Variants in SYNJ2 observed in about 807,000 individuals in gnomAD.
SYNJ2 encodes synaptojanin 2, also known as polyphosphatidylinositol phosphatase SYNJ2.
A neutral mutation model predicts 141.3 loss-of-function variants in SYNJ2; 116 were observed. The ratio of observed to expected loss-of-function variants is 0.82; its 90% CI spans 0.71 to 0.96. SYNJ2 has a LOEUF of 0.96. SYNJ2 is among the 40% of genes least tolerant of loss of function. SYNJ2 has a pLI of 0.00. For synonymous variants in SYNJ2, 745 were observed against 777.7 expected, an observed-to-expected ratio of 0.96 and a Z score of 0.70; for missense variants, 1,873 against 1,934.8, an observed-to-expected ratio of 0.97 and a Z score of 0.60.
Position 158,090,286 on chromosome 6 carries a change from G to A in SYNJ2, c.3565+339G>A, listed in dbSNP as rs1033288838. ...GCTTTATAAAACAGAGACAGTTATA[G>A]TGTTTGTCCTAATTTCAGGCACAAA... On this transcript the variant is annotated intron_variant, in intron 25 of 26. Transcript: ENST00000355585. Among the ~76,000 whole-genome samples the A allele has an allele frequency of 2.0e-5, 3 of 152,190 alleles. No individual in the cohort carries two copies. The East Asian group carries it at 5.8e-4, about 29-fold the overall frequency.
At chr6:158,006,184 C>T (rs143409515) in intron 1 of SYNJ2, among the ~76,000 whole-genome samples, 14 of 152,190 alleles carry the variant, frequency 9.2e-5, no homozygotes, top group Admixed American at 6.5e-5. Context: ...GCTTGCCACA[C>T]GCACACATGC....
intron 5 of SYNJ2, among the ~76,000 whole-genome samples, chr6:158,049,134 C>T (rs745983684): frequency 1.8e-4 from 28 of 152,222 alleles, no homozygotes; most frequent in Middle Eastern, 6.8e-3. Flanking sequence ...CTCCAGACCC[C>T]GACTATCCTC....
intron 4 of SYNJ2, among the ~76,000 whole-genome samples, chr6:158,042,620 G>C (rs1362365118): frequency 7.2e-5 from 11 of 152,268 alleles, no homozygotes; most frequent in Admixed American, 7.2e-4. Context: ...AGGCCTGCAG[G>C]CACACTCTGA....
intron 4 of SYNJ2, among the ~76,000 whole-genome samples, chr6:158,038,663 A>G (rs1356460270): frequency 6.6e-6 from 1 of 152,210 alleles, no homozygotes; most frequent in African/African-American, 2.4e-5. Flanking sequence ...TGAGCCTGCC[A>G]GGTCCCAGGC....
intron 4 of SYNJ2, among the ~76,000 whole-genome samples, chr6:158,039,239 A>G (rs755465605): frequency 5.3e-5 from 8 of 152,246 alleles, no homozygotes; most frequent in Non-Finnish European, 1.2e-4. Flanking sequence ...AAAACACAAA[A>G]CACGTCTTTA....
intron 18 of SYNJ2, among the ~76,000 whole-genome samples, 161 bp from the exon 19 acceptor site, chr6:158,080,948 G>C (rs1782637639): frequency 6.6e-6 from 1 of 152,246 alleles, no homozygotes; most frequent in African/African-American, 2.4e-5. Flanking sequence ...ACATTCGCAG[G>C]TTGTTGGTGT....
chr6:158,006,585 C>T (rs1015679087), intron 1 of SYNJ2, among the ~76,000 whole-genome samples: 1 of 152,156 alleles, frequency 6.6e-6, no homozygotes, highest in Non-Finnish European at 1.5e-5. Flanking sequence ...AAGTCGGTGC[C>T]CTCCACTCAC....
chr6:158,091,175 G>T (rs1206460059), intron 25 of SYNJ2, among the ~76,000 whole-genome samples: 1 of 151,610 alleles, frequency 6.6e-6, no homozygotes, highest in Non-Finnish European at 1.5e-5. Context: ...AAATTAGCCG[G>T]GCGTGATGGT....
rs1777039499 is a variant in SYNJ2, at chr6:157,982,187, C to A, written c.127+99C>A. 2 of 1,236,516 alleles carry A rather than the reference C, an allele frequency of 1.6e-6. No individual in the cohort carries two copies. The highest frequency in any genetic ancestry group is 1.0e-6 in the Non-Finnish European group (1 of 986,558). 76.6% of individuals were successfully genotyped at this position (1,236,516 alleles called of 1,614,324 possible). On this transcript the variant is annotated intron_variant, in intron 1 of 26. Transcript: ENST00000355585. This position sits in a 1 kb window ranked among gnomAD's most constrained non-coding sequence, Gnocchi z 4.0. Reference sequence around the variant, plus strand: ...ACCCCCCCTTCCCGAGGGGATCGGGCGGCGCTGGGACTGCCGGGGCGTAGG... The same window carrying A: ...ACCCCCCCTTCCCGAGGGGATCGGGAGGCGCTGGGACTGCCGGGGCGTAGG...
intron 1 of SYNJ2, 86 bp from the exon 2 acceptor site, chr6:158,017,118 A>G (rs983971302): frequency 1.3e-6 from 2 of 1,527,452 alleles, no homozygotes; most frequent in Non-Finnish European, 1.8e-6. Context: ...AGTGGGTGGG[A>G]AGCCAGCTTG....
chr6:157,983,376 G>A (rs763683274), intron 1 of SYNJ2, among the ~76,000 whole-genome samples: 1 of 152,206 alleles, frequency 6.6e-6, no homozygotes, highest in Non-Finnish European at 1.5e-5. Flanking sequence ...AAGAGTCTAA[G>A]TTTGGTTATT....
intron 1 of SYNJ2, among the ~76,000 whole-genome samples, chr6:158,009,380 C>T (rs1778184054): frequency 6.7e-6 from 1 of 149,462 alleles, no homozygotes; most frequent in South Asian, 2.2e-4. Context: ...TCCTCCTGTT[C>T]CTCTTGGCCA....
At position 158,043,067 on chromosome 6, in the gene SYNJ2, G is replaced by C. The variant is rs559480919; in HGVS notation, c.712-249G>C. 1.3e-5 allele frequency among the ~76,000 whole-genome samples: 2 copies of C among 152,160 alleles called. No homozygotes were observed. Among genetic ancestry groups the C allele is most frequent in the African/African-American group, 4.8e-5 (2 of 41,442 alleles). ...TGCCCTAGAAGTGTGAATTCCCGGA[G>C]ACCCTGGGAGGCCCCAACCCCCAGC... On this transcript the variant is annotated intron_variant, in intron 4 of 26. Coordinates refer to ENST00000355585, the MANE Select transcript of SYNJ2 (RefSeq NM_003898.4). The surrounding 1 kb of genome is among the most constrained non-coding windows in gnomAD (Gnocchi z 4.0).
chr6:157,987,862 C>A (rs1332410078), intron 1 of SYNJ2, among the ~76,000 whole-genome samples: 1 of 152,242 alleles, frequency 6.6e-6, no homozygotes, highest in East Asian at 1.9e-4. Flanking sequence ...GATTCTGAGA[C>A]ATTGGCCAAG....
At chr6:158,033,216 TC>T (rs1779461333) in intron 3 of SYNJ2, among the ~76,000 whole-genome samples, 1 of 152,204 alleles carries the variant, frequency 6.6e-6, no homozygotes, top group Non-Finnish European at 1.5e-5. Flanking sequence ...GGGAAAGGAC[TC>T]CCTGGCCATC....
At chr6:157,983,534 C>T (rs779505798) in intron 1 of SYNJ2, among the ~76,000 whole-genome samples, 6 of 152,204 alleles carry the variant, frequency 3.9e-5, no homozygotes, top group Non-Finnish European at 8.8e-5. Flanking sequence ...AGTTGGATTA[C>T]GGCAACATTA....
In SYNJ2 at chr6:158,043,716, G is replaced by C. The variant is rs1373050112; in HGVS notation, c.795+317G>C. On this transcript the variant is annotated intron_variant, in intron 5 of 26. Transcript: ENST00000355585. The surrounding 1 kb of genome is among the most constrained non-coding windows in gnomAD (Gnocchi z 4.0). ...CCGCGAAGTGAGCTTGGGTAGCACT[G>C]CCTGAGGTTAGACCCTGAGTTCGGT... Among the ~76,000 whole-genome samples the C allele has an allele frequency of 6.6e-6, 1 of 152,164 alleles. No individual in the cohort carries two copies. The highest frequency in any genetic ancestry group is 1.5e-5 in the Non-Finnish European group (1 of 68,022).
In SYNJ2 at chr6:158,059,110, C is replaced by A. The variant is rs188801038; in HGVS notation, c.858-147C>A. Reference sequence around the variant, plus strand: ...TCTCTCCACCCAGGCTCATTTTCCACGATTTGGGTCATGGGGGACAGCTGG... The same window carrying A: ...TCTCTCCACCCAGGCTCATTTTCCAAGATTTGGGTCATGGGGGACAGCTGG... On this transcript the variant is annotated intron_variant, in intron 6 of 26. Coordinates refer to ENST00000355585, the MANE Select transcript of SYNJ2 (RefSeq NM_003898.4). The A allele has an allele frequency of 3.8e-6, 3 of 796,222 alleles. No homozygotes were observed. The South Asian group carries it at 7.8e-5, about 21-fold the overall frequency. 49.3% of individuals were successfully genotyped at this position (796,222 alleles called of 1,614,324 possible). A position where few individuals can be genotyped will look rare whatever the true frequency, so the allele number is the denominator to read the frequency against.
chr6:157,989,288 C>G (rs1777320856), intron 1 of SYNJ2, among the ~76,000 whole-genome samples: 1 of 151,868 alleles, frequency 6.6e-6, no homozygotes, highest in South Asian at 2.1e-4. Flanking sequence ...TATGTCAAGG[C>G]AAGTACTAGT....
Sources: allele counts gnomAD v4.1 joint callset (sites outside exome capture counted in the v4.1 genomes callset), GRCh38; gene constraint gnomAD v4.1.1; non-coding constraint Gnocchi (gnomAD v3.1); transcripts MANE v1.5; gene names NCBI Gene and HGNC (gene_info 2026-07-23, HGNC 2026-07-21).